Variants in NCKAP5 observed in about 807,000 individuals in gnomAD.
NCKAP5 encodes nck-associated protein 5.
In NCKAP5, 92 loss-of-function variants were observed where a neutral mutation model predicts 167.0. The ratio of observed to expected loss-of-function variants is 0.55; its 90% CI spans 0.47 to 0.66. The LOEUF is 0.66. Ranked by LOEUF, NCKAP5 falls within the 30% of genes least tolerant of loss-of-function variation. The probability of loss-of-function intolerance (pLI) is 0.00; values close to 1 mark genes in which losing one functional copy is unlikely to be tolerated. For missense variants in NCKAP5, 2,378 were observed against 2,315.0 expected (o/e 1.03, Z -0.56); for synonymous variants, 891 against 877.4 (o/e 1.02, Z -0.27).
chr2:133,625,371 T>C, the NCKAP5 span, among the ~76,000 whole-genome samples: 1 of 152,148 alleles, frequency 6.6e-6, no homozygotes, highest in African/African-American at 2.4e-5. Context: ...CGTACTAACC[T>C]CTTGTAGAAC....
intron 8 of NCKAP5, among the ~76,000 whole-genome samples, chr2:132,918,814 A>C (rs1351330879): frequency 6.6e-6 from 1 of 152,248 alleles, no homozygotes; most frequent in Non-Finnish European, 1.5e-5. Context: ...CCATGAAAAG[A>C]AATTGCTTCC....
In NCKAP5 at chr2:133,552,762, G is replaced by GA. The variant is rs35517588; in HGVS notation, c.-62+6287dup. Among the ~76,000 whole-genome samples the GA allele has an allele frequency of 4.6e-3, 679 of 147,430 alleles. 6 individuals carry two copies. The highest frequency in any genetic ancestry group is 0.021 in the Middle Eastern group (6 of 288). Reference sequence around the variant, plus strand: ...AAGTATAATAAAAAAAAAAGAAAAAGAAAAAAAAAAGATTGAGAAGCGGGT... The same window carrying GA: ...AAGTATAATAAAAAAAAAAGAAAAAGAAAAAAAAAAAGATTGAGAAGCGGGT... On this transcript the variant is annotated intron_variant, in intron 2 of 19. Transcript: ENST00000409261.
intron 4 of NCKAP5, among the ~76,000 whole-genome samples, chr2:133,273,797 C>A (rs1345424278): frequency 1.5e-5 from 2 of 135,158 alleles, no homozygotes; most frequent in African/African-American, 5.4e-5. Context: ...TATTAATTTC[C>A]AAAAAAAAAT....
At chr2:133,256,114 T>C (rs1393458304) in intron 4 of NCKAP5, among the ~76,000 whole-genome samples, 1 of 152,136 alleles carries the variant, frequency 6.6e-6, no homozygotes, top group East Asian at 1.9e-4. Flanking sequence ...CAAAGAAATA[T>C]AATCTGATCA....
chr2:133,003,695 T>G (rs1573704128), intron 6 of NCKAP5, among the ~76,000 whole-genome samples: 1 of 152,322 alleles, frequency 6.6e-6, no homozygotes, highest in South Asian at 2.1e-4. Flanking sequence ...TCCTAGATGA[T>G]ATATATTTTT....
chr2:132,977,463 A>C (rs2077010578), intron 7 of NCKAP5, among the ~76,000 whole-genome samples: 1 of 152,074 alleles, frequency 6.6e-6, no homozygotes, highest in Non-Finnish European at 1.5e-5. Context: ...ATCTTCTCAC[A>C]TAGGAGCAAA....
intron 3 of NCKAP5, among the ~76,000 whole-genome samples, chr2:133,363,522 A>T (rs139720698): frequency 1.3e-5 from 2 of 152,178 alleles, no homozygotes; most frequent in Admixed American, 1.3e-4. Context: ...CATTTTCATC[A>T]TCGACATTAA....
At chr2:132,960,415 C>G (rs762594259) in intron 8 of NCKAP5, among the ~76,000 whole-genome samples, 1 of 152,104 alleles carries the variant, frequency 6.6e-6, no homozygotes, top group Non-Finnish European at 1.5e-5. Context: ...AAGGCTACTG[C>G]GAAACGCCCT....
intron 7 of NCKAP5, among the ~76,000 whole-genome samples, chr2:132,989,302 T>C (rs2077385730): frequency 6.6e-6 from 1 of 152,204 alleles, no homozygotes; most frequent in Admixed American, 6.5e-5. Context: ...CATGTCTAAT[T>C]GTAATTTTTT....
intron 5 of NCKAP5, among the ~76,000 whole-genome samples, chr2:133,139,593 G>A (rs2149832211): frequency 6.6e-6 from 1 of 152,218 alleles, no homozygotes; most frequent in East Asian, 1.9e-4. Context: ...GAAATGATTG[G>A]GAGTATCAGT....
intron 11 of NCKAP5, among the ~76,000 whole-genome samples, chr2:132,830,404 C>T (rs1687435321): frequency 6.8e-6 from 1 of 147,184 alleles, no homozygotes; most frequent in African/African-American, 2.5e-5. Context: ...TTGCTTGCAA[C>T]AGTCTAAGGA....
intron 5 of NCKAP5, among the ~76,000 whole-genome samples, chr2:133,146,070 G>C (rs2083185091): frequency 1.3e-5 from 2 of 151,778 alleles, no homozygotes; most frequent in African/African-American, 4.8e-5. Flanking sequence ...TTGTGATGAA[G>C]TTATTAAAAA....
At chr2:133,290,634 T>A (rs570224290) in intron 4 of NCKAP5, among the ~76,000 whole-genome samples, 1 of 152,270 alleles carries the variant, frequency 6.6e-6, no homozygotes, top group Non-Finnish European at 1.5e-5. Context: ...ACAAATGACT[T>A]TTTGCCATGC....
At chr2:133,376,127 A>G (rs887329726) in intron 3 of NCKAP5, among the ~76,000 whole-genome samples, 5 of 152,212 alleles carry the variant, frequency 3.3e-5, no homozygotes, top group African/African-American at 1.2e-4. Context: ...CTATTGAAAG[A>G]AAGAATGAAT....
intron 3 of NCKAP5, among the ~76,000 whole-genome samples, chr2:133,342,938 T>C (rs1683698183): frequency 6.6e-6 from 1 of 152,178 alleles, no homozygotes; most frequent in Non-Finnish European, 1.5e-5. Flanking sequence ...GACAGGTGAA[T>C]GATGATTTCT....
chr2:133,404,614 A>G (rs983543240), intron 3 of NCKAP5, among the ~76,000 whole-genome samples: 2 of 152,238 alleles, frequency 1.3e-5, no homozygotes, highest in African/African-American at 4.8e-5. Flanking sequence ...TAGGTAACTG[A>G]AACAGTGAAA....
intron 8 of NCKAP5, among the ~76,000 whole-genome samples, chr2:132,917,502 A>G (rs915083469): frequency 2.6e-5 from 4 of 152,192 alleles, no homozygotes; most frequent in African/African-American, 9.7e-5. Flanking sequence ...TAAAAACTTG[A>G]TAACATTTTA....
At chr2:133,267,057 A>C (rs1169880701) in intron 4 of NCKAP5, among the ~76,000 whole-genome samples, 1 of 152,066 alleles carries the variant, frequency 6.6e-6, no homozygotes, top group Non-Finnish European at 1.5e-5. Flanking sequence ...GGTTCTGACA[A>C]ATCTCCGCCT....
rs575691454 is a variant in NCKAP5, at chr2:132,821,328, G to C, written c.808-24599C>G. On this transcript the variant is annotated intron_variant, in intron 11 of 19. Coordinates refer to ENST00000409261, the MANE Select transcript of NCKAP5 (RefSeq NM_207363.3). ...CCTAGGGATGAAACAGGTTTAGGGA[G>C]TTGTGAGAAATATAGAAGTACAAGT... Among the ~76,000 whole-genome samples the C allele has an allele frequency of 5.3e-5, 8 of 152,310 alleles. No homozygotes were observed. In the South Asian group the frequency reaches 1.5e-3, roughly 28 times the overall value.
Sources: gnomAD v4.1 joint callset for allele counts (sites outside exome capture counted in the v4.1 genomes callset) on GRCh38, gnomAD v4.1.1 for gene constraint, MANE v1.5 for transcripts, NCBI Gene and HGNC (gene_info 2026-07-23, HGNC 2026-07-21) for gene names.